Variants in IGF1 observed in about 807,000 individuals in gnomAD.
IGF1 encodes insulin like growth factor 1.
Under a neutral mutation model 13.8 loss-of-function variants are expected in IGF1, and 4 were observed. The observed-to-expected ratio is 0.29, with a 90% CI of 0.14 to 0.66. The LOEUF is 0.66. IGF1 is among the 30% of genes least tolerant of loss of function. IGF1 has a pLI of 0.78. For missense variants in IGF1, 124 were observed against 188.5 expected, an observed-to-expected ratio of 0.66 and a Z score of 2.00; for synonymous variants, 76 against 72.6, an observed-to-expected ratio of 1.05 and a Z score of -0.23.
intron 2 of IGF1, among the ~76,000 whole-genome samples, chr12:102,453,843 T>C (rs1315121391): frequency 6.6e-6 from 1 of 152,244 alleles, no homozygotes; most frequent in Non-Finnish European, 1.5e-5. Context: ...TATGTGCCTT[T>C]AATCACATTC....
At chr12:102,452,179 G>A (rs1879007510) in intron 2 of IGF1, among the ~76,000 whole-genome samples, 3 of 140,266 alleles carry the variant, frequency 2.1e-5, no homozygotes, top group Admixed American at 1.6e-4. Flanking sequence ...GGAGAATGGC[G>A]TGAACCCGGG....
At chr12:102,449,518 G>A (rs557858952) in intron 2 of IGF1, among the ~76,000 whole-genome samples, 5 of 151,788 alleles carry the variant, frequency 3.3e-5, no homozygotes, top group South Asian at 2.1e-4. Flanking sequence ...CATTCTGCAC[G>A]TTTCCCAGAA....
Position 102,400,784 on chromosome 12 carries a change from C to G in IGF1, c.*1723G>C, listed in dbSNP as rs1310017996. Reference sequence around the variant, plus strand: ...AACTGCATAGAAGAGTCAGTGAGTGCTAACAAAGAGTAATTAATTCCCCTT... The same window carrying G: ...AACTGCATAGAAGAGTCAGTGAGTGGTAACAAAGAGTAATTAATTCCCCTT... On this transcript the variant is annotated 3_prime_UTR_variant, in exon 4 of 4. Transcript: ENST00000337514. 6.6e-6 allele frequency: 1 copy of G among 152,152 alleles called. No homozygotes were observed. Among genetic ancestry groups the G allele is most frequent in the Admixed American group, 6.5e-5 (1 of 15,270 alleles). The allele number at this position is 152,152 out of a possible 1,614,324, so 9.4% of individuals were successfully genotyped here. A position where few individuals can be genotyped will look rare whatever the true frequency, so the allele number is the denominator to read the frequency against.
chr12:102,419,644 T>C lies in IGF1; in HGVS notation c.267A>G (p.Thr89=). 6.2e-7 allele frequency: 1 copy of C among 1,613,496 alleles called. No individual in the cohort carries two copies. The highest frequency in any genetic ancestry group is 8.5e-7 in the Non-Finnish European group (1 of 1,180,018). ...YGSSSRRAPQ[T]GIVDECCFRS... is the part of the protein sequence containing the mutation. ...GGAAGCAGCACTCATCCACGATGCC[T>C]GTCTGAGGCGCCCTCCGACTGCTGG... The change falls in exon 3 of 4, where the codon ACA becomes ACG. Residue 89 remains threonine, a synonymous_variant. Coordinates refer to ENST00000337514, the MANE Select transcript of IGF1 (RefSeq NM_000618.5).
At chr12:102,425,731 T>C (rs1475484614) in intron 2 of IGF1, among the ~76,000 whole-genome samples, 1 of 152,206 alleles carries the variant, frequency 6.6e-6, no homozygotes, top group Non-Finnish European at 1.5e-5. Flanking sequence ...GAAACATTAC[T>C]GTTTTAGGAC....
At chr12:102,478,278 GA>G (rs926422681) in intron 1 of IGF1, among the ~76,000 whole-genome samples, 5 of 133,816 alleles carry the variant, frequency 3.7e-5, no homozygotes, top group African/African-American at 5.5e-5. Flanking sequence ...AGATATGATA[GA>G]AAAAAAAGGG....
At chr12:102,471,439 T>C (rs1158918736) in intron 2 of IGF1, among the ~76,000 whole-genome samples, 1 of 152,134 alleles carries the variant, frequency 6.6e-6, no homozygotes, top group Non-Finnish European at 1.5e-5. Flanking sequence ...GGGCAGTATA[T>C]ATCAAAGGAA....
intron 3 of IGF1, among the ~76,000 whole-genome samples, chr12:102,408,848 C>G (rs1434696911): frequency 2.0e-5 from 3 of 152,182 alleles, no homozygotes; most frequent in Non-Finnish European, 4.4e-5. Flanking sequence ...AATCTACTCT[C>G]TCTCTCTCCT....
chr12:102,428,236 G>GTGTATATATATATATATATATA lies in IGF1; in HGVS notation c.221-8547_221-8546insTATATATATATATATATATACA, dbSNP rs371640003. ...CGACCCACTTTGTAATCAATAATGTGTATATATATATATGGCATATTAATG... is the reference window on the plus strand; with the variant it reads ...CGACCCACTTTGTAATCAATAATGTGTGTATATATATATATATATATATATATATATATATGGCATATTAATG... On this transcript the variant is annotated intron_variant, in intron 2 of 3. Transcript: ENST00000337514. Among the ~76,000 whole-genome samples, 46 of 69,480 alleles carry GTGTATATATATATATATATATA rather than the reference G, an allele frequency of 6.6e-4. 5 individuals carry two copies. Among genetic ancestry groups the GTGTATATATATATATATATATA allele is most frequent in the African/African-American group, 1.7e-3 (40 of 23,130 alleles). 45.6% of individuals were successfully genotyped at this position (69,480 alleles called of 152,430 possible).
intron 2 of IGF1, among the ~76,000 whole-genome samples, chr12:102,433,279 C>G (rs1876904027): frequency 6.6e-6 from 1 of 152,180 alleles, no homozygotes. Context: ...AGACGCTATT[C>G]TCAGTACCAG....
At chr12:102,424,107 T>TA (rs1367886248) in intron 2 of IGF1, among the ~76,000 whole-genome samples, 1 of 152,188 alleles carries the variant, frequency 6.6e-6, no homozygotes, top group Non-Finnish European at 1.5e-5. Context: ...ATTTAAATAA[T>TA]AAAAAAACGC....
At chr12:102,443,633 C>T (rs1477706578) in intron 2 of IGF1, among the ~76,000 whole-genome samples, 2 of 152,034 alleles carry the variant, frequency 1.3e-5, no homozygotes, top group Non-Finnish European at 2.9e-5. Context: ...CTTGAATGAA[C>T]AAAACAACAG....
chr12:102,445,545 A>G (rs986371579), intron 2 of IGF1, among the ~76,000 whole-genome samples: 10 of 152,016 alleles, frequency 6.6e-5, no homozygotes, highest in Admixed American at 2.6e-4. Flanking sequence ...TTTGTCTGTT[A>G]TTGGTGTATA....
intron 2 of IGF1, among the ~76,000 whole-genome samples, chr12:102,452,191 G>A (rs1469708853): frequency 2.7e-5 from 4 of 147,984 alleles, no homozygotes; most frequent in African/African-American, 1.0e-4. Context: ...GAACCCGGGA[G>A]GCGGAGCTTG....
At chr12:102,437,699 C>G (rs1048965299) in intron 2 of IGF1, among the ~76,000 whole-genome samples, 1 of 152,068 alleles carries the variant, frequency 6.6e-6, no homozygotes, top group Admixed American at 6.6e-5. Flanking sequence ...TTCTGGTGTT[C>G]TATTGCACAA....
intron 2 of IGF1, among the ~76,000 whole-genome samples, chr12:102,435,512 C>G (rs1877151146): frequency 6.6e-6 from 1 of 152,194 alleles, no homozygotes; most frequent in Admixed American, 6.5e-5. Flanking sequence ...GTTCAAAAAT[C>G]ATTTTCACAT....
chr12:102,404,995 G>T lies in IGF1; in HGVS notation c.403-2429C>A, dbSNP rs942200386. The stretch of plus-strand genomic sequence containing the variant: ...GTTGGTCTCGAACTTCTGACCTTGT[G>T]ATCCACCCGCCTTGGCCTCCCAAAG... On this transcript the variant is annotated intron_variant, in intron 3 of 3. Transcript: ENST00000337514. 8.5e-5 allele frequency among the ~76,000 whole-genome samples: 13 copies of T among 152,178 alleles called. 1 individual carries two copies. The highest frequency in any genetic ancestry group is 1.3e-4 in the Admixed American group (2 of 15,292).
intron 3 of IGF1, among the ~76,000 whole-genome samples, chr12:102,415,139 G>A (rs1179535806): frequency 6.6e-6 from 1 of 152,074 alleles, no homozygotes; most frequent in Non-Finnish European, 1.5e-5. Context: ...TTGCCTCACT[G>A]TCTTGTGTAG....
At chr12:102,452,597 A>G (rs1284183250) in intron 2 of IGF1, among the ~76,000 whole-genome samples, 1 of 152,212 alleles carries the variant, frequency 6.6e-6, no homozygotes, top group African/African-American at 2.4e-5. Flanking sequence ...GCCATTCAGC[A>G]TGCTTATTTG....
Sources: allele counts gnomAD v4.1 joint callset (sites outside exome capture counted in the v4.1 genomes callset), GRCh38; gene constraint gnomAD v4.1.1; transcripts MANE v1.5; gene names NCBI Gene and HGNC (gene_info 2026-07-23, HGNC 2026-07-21).